The following RPTOR variants were observed in gnomAD, a reference collection of about 807,000 sequenced individuals.
The protein encoded by RPTOR is regulatory associated protein of MTOR complex 1.
In RPTOR, 21 loss-of-function variants were observed where a neutral mutation model predicts 169.9. That is an observed-to-expected ratio of 0.12 (90% CI 0.09 to 0.18). The LOEUF is 0.18. Ranked by LOEUF, RPTOR falls within the 10% of genes least tolerant of loss-of-function variation. The probability of loss-of-function intolerance (pLI) is 1.00; values close to 1 mark genes in which losing one functional copy is unlikely to be tolerated. For missense variants in RPTOR, 1,133 were observed against 1,855.9 expected (o/e 0.61, Z 7.16); for synonymous variants, 732 against 753.2 (o/e 0.97, Z 0.46).
chr17:80,596,209 C>A (rs530989494), intron 1 of RPTOR, among the ~76,000 whole-genome samples: 1 of 152,192 alleles, frequency 6.6e-6, no homozygotes, highest in African/African-American at 2.4e-5. Flanking sequence ...ATCTCATGCT[C>A]ACATTTTCCT....
intron 2 of RPTOR, among the ~76,000 whole-genome samples, chr17:80,641,543 C>T (rs546498038): frequency 4.6e-5 from 7 of 152,126 alleles, no homozygotes; most frequent in South Asian, 4.1e-4. Flanking sequence ...ACAGGTGGCT[C>T]TTGGAGATCC....
chr17:80,919,606 A>C (rs2068720193), intron 21 of RPTOR, among the ~76,000 whole-genome samples: 1 of 152,212 alleles, frequency 6.6e-6, no homozygotes, highest in African/African-American at 2.4e-5. Flanking sequence ...AACAGGAGAC[A>C]GGGTGGGTCT....
Position 80,708,894 on chromosome 17 carries a change from T to C in RPTOR, c.507+895T>C, listed in dbSNP as rs1224433248. ...AGTTTCGGTTGTGCTGTCAGCCTCC[T>C]GGGCTTCTGCTTCCTTAGTGTGGAC... On this transcript the variant is annotated intron_variant, in intron 4 of 33. Transcript: ENST00000306801. This position sits in a 1 kb window ranked among gnomAD's most constrained non-coding sequence, Gnocchi z 4.2. 2.0e-6 allele frequency: 2 copies of C among 983,824 alleles called. No individual in the cohort carries two copies. The highest frequency in any genetic ancestry group is 1.7e-5 in the African/African-American group (1 of 57,214). 60.9% of individuals were successfully genotyped at this position (983,824 alleles called of 1,614,324 possible). A position where few individuals can be genotyped will look rare whatever the true frequency, so the allele number is the denominator to read the frequency against.
At chr17:80,825,535 CA>C (rs1424741854) in intron 9 of RPTOR, among the ~76,000 whole-genome samples, 1 of 152,226 alleles carries the variant, frequency 6.6e-6, no homozygotes, top group African/African-American at 2.4e-5. Flanking sequence ...CTTCCCTGCC[CA>C]GAAAAAAGGC....
chr17:80,784,310 G>C (rs2066970201), intron 6 of RPTOR, among the ~76,000 whole-genome samples: 5 of 152,066 alleles, frequency 3.3e-5, no homozygotes, highest in Admixed American at 3.3e-4. Context: ...ATTTCATGTG[G>C]GGATGTTTAG....
At chr17:80,881,746 G>A (rs751750009) in intron 14 of RPTOR, among the ~76,000 whole-genome samples, 13 of 152,202 alleles carry the variant, frequency 8.5e-5, no homozygotes, top group Non-Finnish European at 1.3e-4. Flanking sequence ...GCCTGAGCCC[G>A]GGGAAGTCAA....
chr17:80,953,762 G>T (rs535036333), intron 28 of RPTOR, among the ~76,000 whole-genome samples: 4 of 152,240 alleles, frequency 2.6e-5, no homozygotes, highest in Admixed American at 6.5e-5. Flanking sequence ...GGCTCTGTTG[G>T]CTGCACAGCT....
chr17:80,607,396 C>T (rs774049474), intron 1 of RPTOR, among the ~76,000 whole-genome samples: 2 of 151,996 alleles, frequency 1.3e-5, no homozygotes, highest in South Asian at 2.1e-4. Flanking sequence ...ATGTATCAAT[C>T]GTTTTCAGAG....
At chr17:80,719,053 A>G (rs1430704055) in intron 4 of RPTOR, among the ~76,000 whole-genome samples, 2 of 152,156 alleles carry the variant, frequency 1.3e-5, no homozygotes, top group Non-Finnish European at 2.9e-5. Context: ...AAGCGAGAAG[A>G]AGGAGCTTGT....
chr17:80,644,110 T>A (rs779041697), intron 3 of RPTOR, among the ~76,000 whole-genome samples: 39 of 152,256 alleles, frequency 2.6e-4, no homozygotes, highest in Non-Finnish European at 5.0e-4. Flanking sequence ...AACCATGGTT[T>A]TAATTTTTCT....
At chr17:80,913,066 G>C (rs1172507160) in intron 21 of RPTOR, among the ~76,000 whole-genome samples, 1 of 152,210 alleles carries the variant, frequency 6.6e-6, no homozygotes, top group Non-Finnish European at 1.5e-5. Flanking sequence ...GTGGGTTTAA[G>C]AGTAAACATT....
At chr17:80,911,854 A>G (rs1336791010) in intron 21 of RPTOR, among the ~76,000 whole-genome samples, 1 of 152,230 alleles carries the variant, frequency 6.6e-6, no homozygotes, top group Admixed American at 6.5e-5. Context: ...GAGGCAGTAA[A>G]GCAGACAGGA....
intron 8 of RPTOR, 77 bp downstream of exon 8, chr17:80,822,378 G>A: frequency 7.2e-7 from 1 of 1,396,322 alleles, no homozygotes; most frequent in South Asian, 1.2e-5. Flanking sequence ...GACATGAGAG[G>A]AGTCAGATAG....
chr17:80,584,684 C>T (rs566863554), intron 1 of RPTOR, among the ~76,000 whole-genome samples: 11 of 152,328 alleles, frequency 7.2e-5, no homozygotes, highest in African/African-American at 2.4e-4. Flanking sequence ...ACTGGCCCAC[C>T]GCAGAATTCA....
intron 3 of RPTOR, among the ~76,000 whole-genome samples, chr17:80,650,825 G>A (rs918020958): frequency 9.9e-5 from 15 of 152,064 alleles, no homozygotes; most frequent in Non-Finnish European, 4.4e-5. Flanking sequence ...TCCCCATCCT[G>A]CCTTATCTCT....
intron 27 of RPTOR, among the ~76,000 whole-genome samples, chr17:80,948,160 G>A (rs1319161923): frequency 6.6e-6 from 1 of 152,220 alleles, no homozygotes; most frequent in African/African-American, 2.4e-5. Flanking sequence ...CCGACACCCG[G>A]ATCCCACCCA....
chr17:80,571,576 G>A (rs1158732854), intron 1 of RPTOR, among the ~76,000 whole-genome samples: 1 of 152,002 alleles, frequency 6.6e-6, no homozygotes. Context: ...ACTGGAGTGC[G>A]GTGGTGTGAT....
intron 6 of RPTOR, among the ~76,000 whole-genome samples, chr17:80,760,517 G>GTCTC (rs2066726005): frequency 1.3e-5 from 2 of 152,090 alleles, no homozygotes; most frequent in African/African-American, 4.8e-5. Flanking sequence ...GGCCAGGCTG[G>GTCTC]CATCAAACTC....
chr17:80,774,203 A>T (rs1013751068), intron 6 of RPTOR: 1 of 984,860 alleles, frequency 1.0e-6, no homozygotes, highest in South Asian at 4.7e-5. Context: ...TCCCGTCTCC[A>T]CCCGCCTTGA....
Sources: allele counts gnomAD v4.1 joint callset (sites outside exome capture counted in the v4.1 genomes callset), GRCh38; gene constraint gnomAD v4.1.1; non-coding constraint Gnocchi (gnomAD v3.1); transcripts MANE v1.5; gene names NCBI Gene and HGNC (gene_info 2026-07-23, HGNC 2026-07-21).